The following STON1 variants were observed in gnomAD, a reference collection of about 807,000 sequenced individuals.
STON1 encodes the protein stonin-1.
Under a neutral mutation model 60.9 loss-of-function variants are expected in STON1, and 79 were observed. The observed-to-expected ratio is 1.30, with a 90% confidence interval of 1.08 to 1.56. STON1 has a LOEUF of 1.56. Among genes scored for constraint, STON1 ranks in the 40% most tolerant of loss-of-function variants. The pLI, the probability that STON1 is intolerant of heterozygous loss-of-function variation, is 0.00. For missense variants in STON1, 1,166 were observed against 858.9 expected (o/e 1.36, Z -4.47); for synonymous variants, 363 against 306.9 (o/e 1.18, Z -1.91).
intron 1 of STON1, among the ~76,000 whole-genome samples, chr2:48,564,563 T>C (rs186448149): frequency 0.058 from 1,595 of 27,660 alleles, 215 homozygotes; most frequent in African/African-American, 0.12. Flanking sequence ...TTCTTCTTCT[T>C]CTTCTCCTTC....
chr2:48,585,603 A>G (rs994720934), intron 2 of STON1, among the ~76,000 whole-genome samples: 1 of 152,222 alleles, frequency 6.6e-6, no homozygotes, highest in East Asian at 1.9e-4. Flanking sequence ...TTGCATCATC[A>G]TGCCAGAGAA....
chr2:48,547,441 C>A (rs1671905622), intron 1 of STON1, among the ~76,000 whole-genome samples: 1 of 152,196 alleles, frequency 6.6e-6, no homozygotes, highest in Non-Finnish European at 1.5e-5. Context: ...CAGGAGGCCA[C>A]AACCTAGTTG....
chr2:48,553,432 T>TTC (rs1000822207), intron 1 of STON1, among the ~76,000 whole-genome samples: 9 of 149,536 alleles, frequency 6.0e-5, no homozygotes, highest in Non-Finnish European at 8.9e-5. Flanking sequence ...CCTCCTCCCT[T>TTC]TCTCTCTCTC....
At chr2:48,541,953 C>G (rs909338430) in intron 1 of STON1, among the ~76,000 whole-genome samples, 16 of 152,304 alleles carry the variant, frequency 1.1e-4, no homozygotes, top group South Asian at 2.1e-4. Flanking sequence ...GCTCCAGTCC[C>G]TAAATGCTGT....
intron 1 of STON1, among the ~76,000 whole-genome samples, chr2:48,536,378 T>C (rs917591115): frequency 5.9e-5 from 9 of 151,806 alleles, no homozygotes; most frequent in Non-Finnish European, 1.3e-4. Context: ...TAAAACCCCA[T>C]CTTTACTAAA....
chr2:48,534,976 G>C (rs1049278004), intron 1 of STON1, among the ~76,000 whole-genome samples: 13 of 152,110 alleles, frequency 8.5e-5, no homozygotes, highest in Non-Finnish European at 1.6e-4. Flanking sequence ...GAATTCCATG[G>C]AGGCTTCCTG....
chr2:48,552,684 C>T (rs536195894), intron 1 of STON1, among the ~76,000 whole-genome samples: 22 of 152,168 alleles, frequency 1.4e-4, no homozygotes, highest in Non-Finnish European at 1.9e-4. Flanking sequence ...GCAGGTGAAT[C>T]GCTTGAACCC....
intron 3 of STON1, among the ~76,000 whole-genome samples, chr2:48,592,545 C>A (rs1674580655): frequency 6.6e-6 from 1 of 151,128 alleles, no homozygotes; most frequent in East Asian, 1.9e-4. Flanking sequence ...GATTCTCCTG[C>A]CTCAGCCTCT....
At chr2:48,568,302 A>T (rs1673034558) in intron 1 of STON1, among the ~76,000 whole-genome samples, 1 of 152,194 alleles carries the variant, frequency 6.6e-6, no homozygotes, top group African/African-American at 2.4e-5. Context: ...TGCATACTGA[A>T]GTGGGGACAA....
chr2:48,566,835 T>G (rs1265072947), intron 1 of STON1, among the ~76,000 whole-genome samples: 3 of 152,012 alleles, frequency 2.0e-5, no homozygotes, highest in African/African-American at 7.2e-5. Flanking sequence ...GGGCTGGTGT[T>G]GTGGTGGTGT....
intron 1 of STON1, chr2:48,530,765 C>G (rs900333916): frequency 2.0e-5 from 3 of 152,542 alleles, no homozygotes; most frequent in Admixed American, 2.0e-4. Flanking sequence ...CCCTGGAAGG[C>G]AAGGAGCCAG....
chr2:48,539,802 T>G (rs1395519002), intron 1 of STON1, among the ~76,000 whole-genome samples: 1 of 152,144 alleles, frequency 6.6e-6, no homozygotes, highest in Non-Finnish European at 1.5e-5. Flanking sequence ...ACTACACGCC[T>G]GATTTCAAAT....
In STON1 at chr2:48,564,490, T is replaced by C. The variant is rs1260591603; in HGVS notation, c.-47-16097T>C. ...TTCTTCTTCTTCTTCTTTCTTCTTCTTCTTCTTCTTCTTCTTCTTCTTCTT... is the reference window on the plus strand; with the variant it reads ...TTCTTCTTCTTCTTCTTTCTTCTTCCTCTTCTTCTTCTTCTTCTTCTTCTT... On this transcript the variant is annotated intron_variant, in intron 1 of 3. Coordinates refer to ENST00000404752, the MANE Select transcript of STON1 (RefSeq NM_006873.4). Among the ~76,000 whole-genome samples the C allele has an allele frequency of 1.6e-3, 35 of 21,532 alleles. 3 individuals are homozygous for C. The highest frequency in any genetic ancestry group is 2.3e-3 in the Non-Finnish European group (25 of 11,062). The allele number at this position is 21,532 out of a possible 152,430, so 14.1% of individuals were successfully genotyped here. A position where few individuals can be genotyped will look rare whatever the true frequency, so the allele number is the denominator to read the frequency against.
rs1247825385 is a variant in STON1, at chr2:48,597,072, C to G, written c.*1770C>G. On this transcript the variant is annotated 3_prime_UTR_variant, in exon 4 of 4. Transcript: ENST00000404752. ...TTCCCCATGTTGGCCGGGCTAGTCT[C>G]GAACTCCTGACCTCAGGTGATCCAC... The G allele has an allele frequency of 1.3e-5, 2 of 152,158 alleles. No individual in the cohort carries two copies. The highest frequency in any genetic ancestry group is 2.9e-5 in the Non-Finnish European group (2 of 68,060). The allele number at this position is 152,158 out of a possible 1,614,324, so 9.4% of individuals were successfully genotyped here.
In STON1 at chr2:48,591,704, A is replaced by G; in HGVS notation, c.1982A>G (p.Gln661Arg). 2 of 1,614,176 alleles carry G rather than the reference A, an allele frequency of 1.2e-6. No homozygotes were observed. The highest frequency in any genetic ancestry group is 1.7e-6 in the Non-Finnish European group (2 of 1,180,026). ...TACAAATTAGAGCTTGGATCAGACC[A>G]AGAAATTCCCTCTGATTGGTATCCA... ...LSYKLELGSD[Q>R]EIPSDWYPFA... is the part of the protein sequence containing the mutation. Residue 661 changes from glutamine (Q) to arginine (R), a missense_variant, in exon 3 of 4, where the codon CAA becomes CGA. Coordinates refer to ENST00000404752, the MANE Select transcript of STON1 (RefSeq NM_006873.4).
intron 2 of STON1, among the ~76,000 whole-genome samples, chr2:48,589,317 G>C (rs1279555113): frequency 2.0e-5 from 3 of 152,192 alleles, no homozygotes; most frequent in Non-Finnish European, 4.4e-5. Flanking sequence ...CCCGTCCTAA[G>C]AAAAGGAATT....
At chr2:48,543,252 T>C (rs995939455) in intron 1 of STON1, among the ~76,000 whole-genome samples, 2 of 151,498 alleles carry the variant, frequency 1.3e-5, no homozygotes, top group Non-Finnish European at 2.9e-5. Flanking sequence ...TGGGATTACA[T>C]GTGTGAACCA....
At chr2:48,532,386 A>T (rs182642283) in intron 1 of STON1, among the ~76,000 whole-genome samples, 20 of 120,824 alleles carry the variant, frequency 1.7e-4, no homozygotes, top group Non-Finnish European at 2.8e-4. Context: ...AAATAAATAA[A>T]TAATTGATAG....
intron 3 of STON1, 57 bp from the exon 4 acceptor site, chr2:48,595,171 G>C (rs1338006643): frequency 9.1e-6 from 12 of 1,323,704 alleles, no homozygotes; most frequent in Middle Eastern, 1.8e-4. Flanking sequence ...GACTGAAGAG[G>C]TGTGAGTGCT....
Sources: gnomAD v4.1 joint callset for allele counts (sites outside exome capture counted in the v4.1 genomes callset) on GRCh38, gnomAD v4.1.1 for gene constraint, MANE v1.5 for transcripts, NCBI Gene and HGNC (gene_info 2026-07-23, HGNC 2026-07-21) for gene names.